The following GRM7 variants were observed in gnomAD, a reference collection of about 807,000 sequenced individuals.
The protein encoded by GRM7 is glutamate metabotropic receptor 7, also known as metabotropic glutamate receptor 7.
GRM7 carries 35 observed loss-of-function variants against 84.5 expected under a neutral mutation model. The observed-to-expected ratio is 0.41, with a 90% CI of 0.32 to 0.55. GRM7 has a LOEUF of 0.55. GRM7 is among the 20% of genes least tolerant of loss of function. The pLI, the probability that GRM7 is intolerant of heterozygous loss-of-function variation, is 0.19. For synonymous variants in GRM7, 487 were observed against 455.1 expected (o/e 1.07, Z -0.89); for missense variants, 1,003 against 1,194.6 (o/e 0.84, Z 2.36).
chr3:7,203,071 C>T (rs561301499), intron 2 of GRM7, among the ~76,000 whole-genome samples: 4 of 152,252 alleles, frequency 2.6e-5, no homozygotes, highest in Admixed American at 2.0e-4. Context: ...CATTTCAAGT[C>T]CCCTCTTCTA....
chr3:7,125,041 G>A (rs1361142670), intron 1 of GRM7, among the ~76,000 whole-genome samples: 9 of 152,176 alleles, frequency 5.9e-5, no homozygotes, highest in African/African-American at 2.4e-5. Flanking sequence ...CTGGGTTCAA[G>A]TGATTCTCCT....
chr3:7,319,428 G>A (rs1700694070), intron 4 of GRM7, among the ~76,000 whole-genome samples: 1 of 152,044 alleles, frequency 6.6e-6, no homozygotes, highest in Non-Finnish European at 1.5e-5. Flanking sequence ...ATGGATATGT[G>A]ATGGAGATTT....
intron 2 of GRM7, among the ~76,000 whole-genome samples, chr3:7,173,390 G>A (rs1387587246): frequency 2.6e-5 from 4 of 151,684 alleles, no homozygotes; most frequent in Admixed American, 1.3e-4. Flanking sequence ...ACCCCTCTCC[G>A]GCTCCACCCC....
intron 1 of GRM7, among the ~76,000 whole-genome samples, chr3:6,973,888 C>T (rs928469421): frequency 6.6e-6 from 1 of 152,044 alleles, no homozygotes; most frequent in Non-Finnish European, 1.5e-5. Flanking sequence ...GAGGGAAAGT[C>T]ATGGTAGAAA....
At chr3:6,957,381 G>T (rs1693102223) in intron 1 of GRM7, among the ~76,000 whole-genome samples, 1 of 152,172 alleles carries the variant, frequency 6.6e-6, no homozygotes, top group Admixed American at 6.5e-5. Context: ...GTGTGGCATT[G>T]CTTCATTCCA....
intron 1 of GRM7, among the ~76,000 whole-genome samples, chr3:7,129,348 G>A (rs1470453097): frequency 6.6e-6 from 1 of 152,174 alleles, no homozygotes; most frequent in South Asian, 2.1e-4. Context: ...AGCTGCACAT[G>A]ATCAACACTT....
chr3:6,906,915 A>G (rs1411638827), intron 1 of GRM7, among the ~76,000 whole-genome samples: 1 of 152,196 alleles, frequency 6.6e-6, no homozygotes, highest in Non-Finnish European at 1.5e-5. Flanking sequence ...AGCATGTGCA[A>G]TCTGATGAAT....
intron 1 of GRM7, among the ~76,000 whole-genome samples, chr3:7,013,463 C>T (rs1471468411): frequency 1.3e-5 from 2 of 152,120 alleles, no homozygotes; most frequent in East Asian, 1.9e-4. Flanking sequence ...CTCTAAATGT[C>T]GGAGGCTCTC....
At chr3:7,473,693 G>A (rs767922490) in intron 7 of GRM7, among the ~76,000 whole-genome samples, 1 of 152,128 alleles carries the variant, frequency 6.6e-6, no homozygotes, top group African/African-American at 2.4e-5. Context: ...GGTGAATACA[G>A]CAAAGAGGAT....
At chr3:7,739,279 A>C (rs1344674811) in intron 9 of GRM7, among the ~76,000 whole-genome samples, 1 of 152,192 alleles carries the variant, frequency 6.6e-6, no homozygotes, top group Non-Finnish European at 1.5e-5. Context: ...GTTTAAATAC[A>C]AACTCTCAGT....
intron 1 of GRM7, among the ~76,000 whole-genome samples, chr3:6,868,482 C>T (rs900655727): frequency 6.6e-6 from 1 of 152,112 alleles, no homozygotes; most frequent in Non-Finnish European, 1.5e-5. Flanking sequence ...ATGAAAAATG[C>T]TTGTTCTCCC....
intron 2 of GRM7, among the ~76,000 whole-genome samples, chr3:7,285,472 G>A (rs1184798505): frequency 2.0e-5 from 3 of 152,052 alleles, no homozygotes; most frequent in Non-Finnish European, 4.4e-5. Flanking sequence ...CTAATACGTA[G>A]TAAACCTCCC....
In GRM7 at chr3:7,646,089, G is replaced by A. The variant is rs548465905; in HGVS notation, c.2452-33960G>A. Among the ~76,000 whole-genome samples the A allele has an allele frequency of 3.9e-5, 6 of 152,316 alleles. No homozygotes were observed. The East Asian group carries it at 5.8e-4, about 15-fold the overall frequency. The stretch of plus-strand genomic sequence containing the variant: ...GCTCACGATCTAATGCAAAAGAGAA[G>A]TCTTGTGTCCATGCAGGGCCCATGC... On this transcript the variant is annotated intron_variant, in intron 8 of 9. Transcript: ENST00000357716.
At chr3:7,421,916 TAAAAAAAAAA>T (rs773501237) in intron 5 of GRM7, among the ~76,000 whole-genome samples, 3 of 78,822 alleles carry the variant, frequency 3.8e-5, no homozygotes, top group South Asian at 4.1e-4. Context: ...CTACAAACAG[TAAAAAAAAAA>T]AAAAAAAAAA....
intron 4 of GRM7, among the ~76,000 whole-genome samples, chr3:7,365,749 T>C (rs1279011070): frequency 2.0e-5 from 3 of 150,206 alleles, no homozygotes; most frequent in Admixed American, 6.7e-5. Flanking sequence ...TCATTTTAGT[T>C]CAGTAATTTA....
At position 7,652,510 on chromosome 3, in the gene GRM7, C is replaced by G. The variant is rs985640053; in HGVS notation, c.2452-27539C>G. 1.1e-4 allele frequency among the ~76,000 whole-genome samples: 16 copies of G among 152,172 alleles called. 1 individual carries two copies. Among genetic ancestry groups the G allele is most frequent in the Admixed American group, 9.2e-4 (14 of 15,278 alleles). ...GTGGGGCAAGTCAATCCCTTCACCT[C>G]TGTCAGCGTCAGTTTCCTCATTTGT... On this transcript the variant is annotated intron_variant, in intron 8 of 9. Coordinates refer to ENST00000357716, the MANE Select transcript of GRM7 (RefSeq NM_000844.4).
chr3:7,325,619 A>G (rs1363214379), intron 4 of GRM7, among the ~76,000 whole-genome samples: 1 of 152,168 alleles, frequency 6.6e-6, no homozygotes, highest in Non-Finnish European at 1.5e-5. Flanking sequence ...GGGAAAGGAG[A>G]CCAGCGGAGT....
At chr3:6,890,895 G>T (rs1695910389) in intron 1 of GRM7, among the ~76,000 whole-genome samples, 1 of 152,142 alleles carries the variant, frequency 6.6e-6, no homozygotes, top group African/African-American at 2.4e-5. Flanking sequence ...CTCAGGACTT[G>T]CTTTATGAAC....
At chr3:6,937,351 A>G (rs1329602573) in intron 1 of GRM7, among the ~76,000 whole-genome samples, 1 of 152,226 alleles carries the variant, frequency 6.6e-6, no homozygotes, top group African/African-American at 2.4e-5. Flanking sequence ...GAAAGAAAAC[A>G]AATTGTTAAC....
Sources: gnomAD v4.1 joint callset for allele counts (sites outside exome capture counted in the v4.1 genomes callset) on GRCh38, gnomAD v4.1.1 for gene constraint, MANE v1.5 for transcripts, NCBI Gene and HGNC (gene_info 2026-07-23, HGNC 2026-07-21) for gene names.